SLC28A1: variants seen among roughly 807,000 people sequenced by gnomAD.
The protein encoded by SLC28A1 is sodium/nucleoside cotransporter 1.
Under a neutral mutation model 74.8 loss-of-function variants are expected in SLC28A1, and 64 were observed. The observed-to-expected ratio is 0.86, with a 90% CI of 0.70 to 1.05. SLC28A1 has a LOEUF of 1.05. Among genes scored for constraint, SLC28A1 ranks in the 50% least tolerant of loss-of-function variants. The pLI is 0.00. For synonymous variants in SLC28A1, 359 were observed against 335.0 expected (o/e 1.07, Z -0.78); for missense variants, 828 against 822.8 (o/e 1.01, Z -0.08).
chr15:84,902,038 A>T (rs542805886), intron 6 of SLC28A1, among the ~76,000 whole-genome samples: 1 of 152,396 alleles, frequency 6.6e-6, no homozygotes. Flanking sequence ...AAGATGAAAC[A>T]GACTAGTGAA....
At position 84,888,805 on chromosome 15, in the gene SLC28A1, C is replaced by T. The variant is rs141245994; in HGVS notation, c.130C>T (p.Pro44Ser). ...CCAGCTCCCTAGGAGTGACTTGAGCCCCGCAGAGATCAGGAGCAGCTGGAG... is the reference window on the plus strand; with the variant it reads ...CCAGCTCCCTAGGAGTGACTTGAGCTCCGCAGAGATCAGGAGCAGCTGGAG... ...EGQLPRSDLS[P>S]AEIRSSWSEA... The change falls in exon 4 of 19, where the codon CCC becomes TCC. Residue 44 changes from proline to serine, a missense_variant. Transcript: ENST00000394573. 2.9e-5 allele frequency: 45 copies of T among 1,554,702 alleles called. No individual in the cohort carries two copies. The highest frequency in any genetic ancestry group is 3.9e-5 in the Non-Finnish European group (45 of 1,148,912).
chr15:84,959,319 G>A, the SLC28A1 span, among the ~76,000 whole-genome samples: 15 of 151,968 alleles, frequency 9.9e-5, no homozygotes, highest in East Asian at 2.6e-3. Context: ...TGGCCAGGCT[G>A]GTCTCAAACT....
chr15:84,897,969 G>GTT (rs34354447), intron 6 of SLC28A1, among the ~76,000 whole-genome samples: 1 of 151,952 alleles, frequency 6.6e-6, no homozygotes. Flanking sequence ...GGATTTCATT[G>GTT]TTTTTTTATG....
chr15:84,911,915 CA>C (rs1244463160), intron 9 of SLC28A1, among the ~76,000 whole-genome samples: 1 of 149,640 alleles, frequency 6.7e-6, no homozygotes, highest in Non-Finnish European at 1.5e-5. Flanking sequence ...TCAGTGGTGG[CA>C]AAAAACTTTG....
At chr15:84,918,845 A>T (rs115509777) in intron 10 of SLC28A1, among the ~76,000 whole-genome samples, 694 of 55,342 alleles carry the variant, frequency 0.013, 25 homozygotes, top group African/African-American at 0.042. Flanking sequence ...CAGAATCCCC[A>T]ACTCTTAGAG....
chr15:84,971,340 T>A, the SLC28A1 span, among the ~76,000 whole-genome samples: 1 of 152,198 alleles, frequency 6.6e-6, no homozygotes, highest in Non-Finnish European at 1.5e-5. Flanking sequence ...GAGGTGGGAC[T>A]GAAAAGGAGG....
the SLC28A1 span, among the ~76,000 whole-genome samples, chr15:84,956,468 C>CCTTCTTTCTTTCTTTCT: frequency 2.1e-3 from 138 of 67,110 alleles, 2 homozygotes; most frequent in African/African-American, 5.9e-3. Context: ...TCTTTCTTTC[C>CCTTCTTTCTTTCTTTCT]TTCTTTCTTT....
chr15:84,912,749 T>C (rs1968442078), intron 9 of SLC28A1, among the ~76,000 whole-genome samples: 1 of 151,640 alleles, frequency 6.6e-6, no homozygotes, highest in South Asian at 2.1e-4. Flanking sequence ...AGTTTCGGGA[T>C]GTCTGATATA....
At chr15:84,960,706 G>A in the SLC28A1 span, among the ~76,000 whole-genome samples, 4 of 152,234 alleles carry the variant, frequency 2.6e-5, no homozygotes, top group Middle Eastern at 3.4e-3. Flanking sequence ...CCCCACCTTC[G>A]CCCTCGCTTT....
intron 6 of SLC28A1, among the ~76,000 whole-genome samples, chr15:84,898,555 G>T (rs544704186): frequency 6.7e-6 from 1 of 148,486 alleles, no homozygotes; most frequent in South Asian, 2.2e-4. Flanking sequence ...CTCCAGCCTG[G>T]GCGACAGAGC....
At chr15:84,970,281 T>C in the SLC28A1 span, among the ~76,000 whole-genome samples, 1 of 152,140 alleles carries the variant, frequency 6.6e-6, no homozygotes, top group East Asian at 1.9e-4. Flanking sequence ...GGAGACTTTC[T>C]CAGAAGCCCC....
chr15:84,886,646 C>A (rs995880957), intron 1 of SLC28A1, 26 bp from the exon 2 acceptor site: 2 of 985,480 alleles, frequency 2.0e-6, no homozygotes, highest in Middle Eastern at 5.2e-4. Context: ...CAGGCCCAAC[C>A]TACTCCGACC....
the SLC28A1 span, among the ~76,000 whole-genome samples, chr15:84,956,294 G>C: frequency 6.6e-6 from 1 of 152,006 alleles, no homozygotes; most frequent in Non-Finnish European, 1.5e-5. Context: ...TTCAGAAAAA[G>C]CTGTATTCCA....
chr15:84,928,573 TCTTTCTTTCTTTCTTTCTTTCTTTCTTTC>T (rs1567172146), intron 12 of SLC28A1, among the ~76,000 whole-genome samples: 635 of 26,300 alleles, frequency 0.024, 106 homozygotes, highest in African/African-American at 0.17. Context: ...TTTCTTTCTT[TCTTTCTTTCTTTCTTTCTTTCTTTCTTTC>T]TTTTCTTTCT....
At chr15:84,927,348 A>G (rs1380488667) in intron 12 of SLC28A1, among the ~76,000 whole-genome samples, 1 of 152,220 alleles carries the variant, frequency 6.6e-6, no homozygotes, top group African/African-American at 2.4e-5. Flanking sequence ...CCAAAGATAC[A>G]GGGAAAATTG....
the SLC28A1 span, among the ~76,000 whole-genome samples, chr15:84,972,217 A>C: frequency 6.6e-6 from 1 of 152,218 alleles, no homozygotes; most frequent in South Asian, 2.1e-4. Flanking sequence ...AGACCCAATT[A>C]AAAACCAATT....
chr15:84,928,064 A>G (rs560670528), intron 12 of SLC28A1, among the ~76,000 whole-genome samples: 184 of 152,316 alleles, frequency 1.2e-3, no homozygotes, highest in African/African-American at 4.3e-3. Context: ...CATTTCCACA[A>G]TCTGGCTTAA....
chr15:84,889,562 G>A (rs35280494), intron 4 of SLC28A1, among the ~76,000 whole-genome samples: 10,665 of 152,208 alleles, frequency 0.07, 511 homozygotes, highest in Non-Finnish European at 0.097. Context: ...TTGAGTGGGC[G>A]TCTACTCAAT....
chr15:84,902,263 T>C (rs989626505), intron 6 of SLC28A1, among the ~76,000 whole-genome samples: 2 of 152,138 alleles, frequency 1.3e-5, no homozygotes, highest in Admixed American at 1.3e-4. Context: ...GCAGATCACT[T>C]GAGGTCAGAA....
Sources: gnomAD v4.1 joint callset for allele counts (sites outside exome capture counted in the v4.1 genomes callset) on GRCh38, gnomAD v4.1.1 for gene constraint, MANE v1.5 for transcripts, NCBI Gene and HGNC (gene_info 2026-07-23, HGNC 2026-07-21) for gene names.